NRXN3: variants seen among roughly 807,000 people sequenced by gnomAD.
The protein encoded by NRXN3 is neurexin III.
In NRXN3, 32 loss-of-function variants were observed where a neutral mutation model predicts 137.6. That is an observed-to-expected ratio of 0.23 (90% CI 0.18 to 0.31). The LOEUF (loss-of-function observed/expected upper bound fraction) is 0.31, where lower values mean the gene tolerates loss of function less well. Ranked by LOEUF, NRXN3 falls within the 10% of genes least tolerant of loss-of-function variation. NRXN3 has a pLI of 1.00. For missense variants in NRXN3, 1,574 were observed against 2,062.5 expected (o/e 0.76, Z 4.59); for synonymous variants, 798 against 784.5 (o/e 1.02, Z -0.29).
chr14:78,949,015 A>G (rs1220192591), intron 10 of NRXN3, among the ~76,000 whole-genome samples: 1 of 152,218 alleles, frequency 6.6e-6, no homozygotes, highest in African/African-American at 2.4e-5. Context: ...GCTGCATGCT[A>G]CAAAACTAAA....
At chr14:79,034,167 G>T (rs7144960) in intron 15 of NRXN3, among the ~76,000 whole-genome samples, 13 of 152,034 alleles carry the variant, frequency 8.6e-5, no homozygotes, top group African/African-American at 2.9e-4. Context: ...TGAGACTAAA[G>T]CCAAAGTTTG....
intron 4 of NRXN3, among the ~76,000 whole-genome samples, chr14:78,458,274 T>C (rs2110422): frequency 0.98 from 148,572 of 152,304 alleles, 72,553 homozygotes; most frequent in Non-Finnish European, 1. Flanking sequence ...GGACTCAAAC[T>C]GTGCAGAAAT....
intron 15 of NRXN3, among the ~76,000 whole-genome samples, chr14:79,125,386 C>T (rs745606228): frequency 6.6e-6 from 1 of 152,214 alleles, no homozygotes; most frequent in African/African-American, 2.4e-5. Flanking sequence ...ACACCTCCAG[C>T]ACTTTGAAAC....
intron 4 of NRXN3, among the ~76,000 whole-genome samples, chr14:78,532,231 G>T (rs947984322): frequency 6.6e-6 from 1 of 151,188 alleles, no homozygotes; most frequent in Non-Finnish European, 1.5e-5. Context: ...TGAGGCAGGA[G>T]AATCACTTGA....
chr14:78,578,215 A>G (rs1280613526), intron 4 of NRXN3, among the ~76,000 whole-genome samples: 3 of 152,236 alleles, frequency 2.0e-5, no homozygotes. Flanking sequence ...CATAGGCATC[A>G]CATGGATTTT....
chr14:79,490,784 C>T (rs907187311), intron 16 of NRXN3, among the ~76,000 whole-genome samples: 1 of 151,924 alleles, frequency 6.6e-6, no homozygotes, highest in Admixed American at 6.6e-5. Context: ...TCGATAATAA[C>T]TCATCTGTAC....
chr14:79,300,474 C>A (rs79862690), intron 15 of NRXN3, among the ~76,000 whole-genome samples: 2 of 151,908 alleles, frequency 1.3e-5, no homozygotes, highest in African/African-American at 4.8e-5. Context: ...GGCAGATAGA[C>A]GGGGGATGAT....
At chr14:78,783,778 A>C (rs751687167) in intron 8 of NRXN3, among the ~76,000 whole-genome samples, 8 of 152,200 alleles carry the variant, frequency 5.3e-5, no homozygotes, top group Non-Finnish European at 8.8e-5. Flanking sequence ...AGTACACACA[A>C]AAAACAGTCC....
intron 10 of NRXN3, among the ~76,000 whole-genome samples, chr14:78,954,767 GT>G (rs531410595): frequency 0.029 from 3,803 of 130,340 alleles, 111 homozygotes; most frequent in African/African-American, 0.069. Context: ...ACCTGGCCTG[GT>G]TTTTTTTTTT....
intron 17 of NRXN3, among the ~76,000 whole-genome samples, chr14:79,681,456 C>A (rs142905317): frequency 4.6e-5 from 7 of 152,046 alleles, no homozygotes; most frequent in African/African-American, 1.7e-4. Flanking sequence ...CCTCATGTAC[C>A]CCTCTGGGGT....
chr14:79,688,504 A>G (rs772303922), intron 17 of NRXN3, among the ~76,000 whole-genome samples: 1 of 152,122 alleles, frequency 6.6e-6, no homozygotes, highest in Non-Finnish European at 1.5e-5. Context: ...CAGTTTTTTC[A>G]CTTGAAATAA....
In NRXN3 at chr14:78,226,985, G is replaced by T. The variant is rs543120558; in HGVS notation, c.-703-15406G>T. Among the ~76,000 whole-genome samples, 14 of 152,306 alleles carry T rather than the reference G, an allele frequency of 9.2e-5. No homozygotes were observed. The East Asian group carries it at 2.5e-3, about 27-fold the overall frequency. ...AATGCATTTAATTACTGCAGGATGAGCCCATAGGTTTTATATCATATGCCT... is the reference window on the plus strand; with the variant it reads ...AATGCATTTAATTACTGCAGGATGATCCCATAGGTTTTATATCATATGCCT... On this transcript the variant is annotated intron_variant, in intron 1 of 20. Coordinates refer to ENST00000335750, the MANE Select transcript of NRXN3 (RefSeq NM_001330195.2).
At chr14:79,167,632 TA>T (rs374466557) in intron 15 of NRXN3, among the ~76,000 whole-genome samples, 34,879 of 151,516 alleles carry the variant, frequency 0.23, 4,219 homozygotes, top group Middle Eastern at 0.26. Flanking sequence ...GTTTTGTTGT[TA>T]TTTTTTTTCT....
At chr14:79,518,520 G>T (rs2097021771) in intron 16 of NRXN3, among the ~76,000 whole-genome samples, 1 of 152,030 alleles carries the variant, frequency 6.6e-6, no homozygotes, top group Non-Finnish European at 1.5e-5. Context: ...AGCTGTGTGT[G>T]TATATATACA....
intron 16 of NRXN3, among the ~76,000 whole-genome samples, chr14:79,515,636 T>C (rs2096976058): frequency 7.1e-6 from 1 of 141,576 alleles, no homozygotes; most frequent in Non-Finnish European, 1.5e-5. Context: ...TGTCTTCCTC[T>C]TCCTCTCCCT....
intron 8 of NRXN3, among the ~76,000 whole-genome samples, chr14:78,737,599 A>G (rs2098546621): frequency 6.6e-6 from 1 of 151,110 alleles, no homozygotes; most frequent in South Asian, 2.2e-4. Context: ...GGAGGGATAG[A>G]GTTTACTGGG....
intron 19 of NRXN3, among the ~76,000 whole-genome samples, chr14:79,758,985 T>A (rs1319494567): frequency 6.6e-6 from 1 of 152,178 alleles, no homozygotes; most frequent in African/African-American, 2.4e-5. Flanking sequence ...CTTAATATCC[T>A]CTTATTCTAC....
At chr14:79,491,954 A>G (rs894772226) in intron 16 of NRXN3, among the ~76,000 whole-genome samples, 4 of 152,216 alleles carry the variant, frequency 2.6e-5, no homozygotes, top group African/African-American at 9.6e-5. Context: ...AACATAACCA[A>G]CTGGCAATTA....
chr14:79,579,187 T>C (rs924229018), intron 16 of NRXN3, among the ~76,000 whole-genome samples: 1 of 151,644 alleles, frequency 6.6e-6, no homozygotes, highest in African/African-American at 2.4e-5. Flanking sequence ...TGGACACAGA[T>C]GAAAAATTCT....
Sources: allele counts gnomAD v4.1 joint callset (sites outside exome capture counted in the v4.1 genomes callset), GRCh38; gene constraint gnomAD v4.1.1; transcripts MANE v1.5; gene names NCBI Gene and HGNC (gene_info 2026-07-23, HGNC 2026-07-21).